MAST4: variants seen among roughly 807,000 people sequenced by gnomAD.
The protein encoded by MAST4 is microtubule-associated serine/threonine-protein kinase 4.
A neutral mutation model predicts 162.7 loss-of-function variants in MAST4; 89 were observed. The ratio of observed to expected loss-of-function variants is 0.55; its 90% CI spans 0.46 to 0.65. The LOEUF (loss-of-function observed/expected upper bound fraction) is 0.65. Ranked by LOEUF, MAST4 falls within the 30% of genes least tolerant of loss-of-function variation. MAST4 has a pLI of 0.00. For missense variants in MAST4, 3,153 were observed against 3,374.0 expected (o/e 0.93, Z 1.62); for synonymous variants, 1,479 against 1,361.1 (o/e 1.09, Z -1.91).
intron 3 of MAST4, among the ~76,000 whole-genome samples, chr5:66,816,877 C>A (rs1158963444): frequency 6.6e-6 from 1 of 152,136 alleles, no homozygotes; most frequent in Non-Finnish European, 1.5e-5. Context: ...ATTTAATTGG[C>A]CTGTTTGTGG....
intron 3 of MAST4, among the ~76,000 whole-genome samples, chr5:66,856,031 G>A (rs1308937578): frequency 6.6e-6 from 1 of 152,110 alleles, no homozygotes; most frequent in African/African-American, 2.4e-5. Flanking sequence ...AGGTGTGGTG[G>A]TGTGCGCCTG....
At chr5:67,079,381 G>A (rs1482045765) in intron 5 of MAST4, among the ~76,000 whole-genome samples, 1 of 151,770 alleles carries the variant, frequency 6.6e-6, no homozygotes, top group Admixed American at 6.6e-5. Context: ...TATATTTGAT[G>A]TAGTATTTTG....
intron 4 of MAST4, among the ~76,000 whole-genome samples, chr5:66,946,067 G>T (rs530251420): frequency 6.6e-6 from 1 of 152,040 alleles, no homozygotes; most frequent in Non-Finnish European, 1.5e-5. Flanking sequence ...AAATGTGCTT[G>T]AGAAAAGAGG....
chr5:66,799,268 C>G (rs1264089069), intron 3 of MAST4, among the ~76,000 whole-genome samples: 1 of 152,214 alleles, frequency 6.6e-6, no homozygotes, highest in Non-Finnish European at 1.5e-5. Context: ...TTAGTGTACA[C>G]ACTGCCTCTT....
At position 66,650,974 on chromosome 5, in the gene MAST4, A is replaced by T. The variant is rs73108422; in HGVS notation, c.363+53956A>T. 7.7e-3 allele frequency among the ~76,000 whole-genome samples: 1,175 copies of T among 152,328 alleles called. 15 individuals carry two copies. Among genetic ancestry groups the T allele is most frequent in the African/African-American group, 0.027 (1,133 of 41,568 alleles). On this transcript the variant is annotated intron_variant, in intron 1 of 28. Coordinates refer to ENST00000403625, the MANE Select transcript of MAST4 (RefSeq NM_001164664.2). ...CTCTAGGAGGAGGAACTGCAGTCACATGGCAAAGGGTGTGGCTACATGGAG... is the reference window on the plus strand; with the variant it reads ...CTCTAGGAGGAGGAACTGCAGTCACTTGGCAAAGGGTGTGGCTACATGGAG...
chr5:66,992,791 T>C (rs1171152166), intron 4 of MAST4, among the ~76,000 whole-genome samples: 1 of 152,168 alleles, frequency 6.6e-6, no homozygotes, highest in African/African-American at 2.4e-5. Flanking sequence ...TCCTCCTAAG[T>C]GCGACGGAAG....
intron 2 of MAST4, among the ~76,000 whole-genome samples, chr5:66,765,186 T>C (rs888140931): frequency 1.3e-5 from 2 of 152,186 alleles, no homozygotes; most frequent in African/African-American, 4.8e-5. Context: ...CTATGATGTT[T>C]GCACAATGAC....
intron 1 of MAST4, among the ~76,000 whole-genome samples, chr5:66,727,746 T>G (rs972484565): frequency 1.1e-4 from 16 of 152,124 alleles, no homozygotes; most frequent in African/African-American, 3.6e-4. Context: ...CCAGAATGCC[T>G]GTTCTCATTA....
intron 9 of MAST4, among the ~76,000 whole-genome samples, chr5:67,102,961 A>G (rs1765193031): frequency 6.6e-6 from 1 of 152,198 alleles, no homozygotes; most frequent in Non-Finnish European, 1.5e-5. Flanking sequence ...CCACATTGTT[A>G]AGTAGAGACT....
chr5:66,808,650 A>G (rs1399372923), intron 3 of MAST4, among the ~76,000 whole-genome samples: 4 of 152,186 alleles, frequency 2.6e-5, no homozygotes, highest in Admixed American at 2.0e-4. Flanking sequence ...GCCAGGGCAC[A>G]AGAGAGTGCT....
At chr5:67,125,897 C>T (rs1297102170) in intron 14 of MAST4, among the ~76,000 whole-genome samples, 1 of 152,218 alleles carries the variant, frequency 6.6e-6, no homozygotes. Context: ...TGTTTTTCCA[C>T]ATCCTCTCCA....
chr5:67,156,304 C>T (rs906984535), intron 26 of MAST4, among the ~76,000 whole-genome samples: 14 of 152,128 alleles, frequency 9.2e-5, no homozygotes, highest in African/African-American at 3.4e-4. Flanking sequence ...GATTTGCACC[C>T]AGGCGATGTA....
In MAST4 at chr5:66,652,429, C is replaced by A. The variant is rs570330106; in HGVS notation, c.363+55411C>A. ...CATTTAAATTAAAAAAGTTCATTAG[C>A]TTGGCTTATTTATTTTATTGCAACT... On this transcript the variant is annotated intron_variant, in intron 1 of 28. Transcript: ENST00000403625. 2.6e-5 allele frequency among the ~76,000 whole-genome samples: 4 copies of A among 152,246 alleles called. No homozygotes were observed. The South Asian group carries it at 8.3e-4, about 32-fold the overall frequency.
chr5:66,738,288 C>G (rs936703459), intron 1 of MAST4: 2 of 152,272 alleles, frequency 1.3e-5, no homozygotes, highest in African/African-American at 2.4e-5. Context: ...CTCACACCCA[C>G]AATTTAGTGC....
At chr5:67,127,217 C>G (rs1391579628) in intron 14 of MAST4, among the ~76,000 whole-genome samples, 1 of 152,180 alleles carries the variant, frequency 6.6e-6, no homozygotes, top group Non-Finnish European at 1.5e-5. Context: ...TAATTGAATA[C>G]AATTTATTTC....
chr5:67,135,459 G>A (rs1203608036), intron 18 of MAST4, among the ~76,000 whole-genome samples: 6 of 152,174 alleles, frequency 3.9e-5, no homozygotes, highest in African/African-American at 1.2e-4. Context: ...TATCAGCCAC[G>A]TACGGTCTAT....
chr5:67,130,117 T>A, intron 14 of MAST4, 93 bp from the exon 15 acceptor site: 2 of 1,232,844 alleles, frequency 1.6e-6, no homozygotes, highest in Non-Finnish European at 2.3e-6. Context: ...TGAGAACTTT[T>A]AAAAAGTTGA....
At chr5:66,757,274 T>A (rs1753597025) in intron 1 of MAST4, among the ~76,000 whole-genome samples, 1 of 152,196 alleles carries the variant, frequency 6.6e-6, no homozygotes, top group African/African-American at 2.4e-5. Context: ...CAGCTGTCAC[T>A]CATAATTAAG....
At chr5:66,689,943 G>A (rs1480141474) in intron 1 of MAST4, among the ~76,000 whole-genome samples, 9 of 152,170 alleles carry the variant, frequency 5.9e-5, no homozygotes, top group African/African-American at 1.9e-4. Flanking sequence ...ATGAATTGGG[G>A]ACACCTAGAC....
Sources: allele counts gnomAD v4.1 joint callset (sites outside exome capture counted in the v4.1 genomes callset), GRCh38; gene constraint gnomAD v4.1.1; transcripts MANE v1.5; gene names NCBI Gene and HGNC (gene_info 2026-07-23, HGNC 2026-07-21).